The following FAIM2 variants were observed in gnomAD, a reference collection of about 807,000 sequenced individuals.
FAIM2 encodes the protein Fas apoptotic inhibitory molecule 2, also known as protein lifeguard 2.
In FAIM2, 27 loss-of-function variants were observed where a neutral mutation model predicts 47.4. The ratio of observed to expected loss-of-function variants is 0.57; its 90% confidence interval spans 0.42 to 0.78. FAIM2 has a LOEUF of 0.78. FAIM2 is among the 30% of genes least tolerant of loss of function. FAIM2 has a pLI of 0.00. For synonymous variants in FAIM2, 156 were observed against 159.3 expected (o/e 0.98, Z 0.16); for missense variants, 311 against 389.4 (o/e 0.80, Z 1.69).
chr12:49,889,001 G>C, intron 10 of FAIM2, 106 bp downstream of exon 10: 1 of 802,452 alleles, frequency 1.2e-6, no homozygotes, highest in Non-Finnish European at 2.1e-6. Context: ...CAGGCTGTGG[G>C]GCCTTGGCTC....
intron 11 of FAIM2, 99 bp downstream of exon 11, chr12:49,887,287 C>G: frequency 8.9e-7 from 1 of 1,125,836 alleles, no homozygotes; most frequent in Non-Finnish European, 1.3e-6. Context: ...TCCCGAGGAT[C>G]CAGGGAAGAG....
chr12:49,891,246 G>T, intron 5 of FAIM2, 132 bp from the exon 6 acceptor site: 1 of 790,454 alleles, frequency 1.3e-6, no homozygotes, highest in Non-Finnish European at 2.1e-6. Context: ...GGAGGCCACG[G>T]TCATCCTAGA....
At chr12:49,899,882 C>T (rs1417388001) in intron 2 of FAIM2, among the ~76,000 whole-genome samples, 1 of 152,230 alleles carries the variant, frequency 6.6e-6, no homozygotes, top group Non-Finnish European at 1.5e-5. Context: ...GTCATAGCTG[C>T]CTTCCTGCCT....
At chr12:49,883,066 G>A (rs1012896575) in intron 11 of FAIM2, among the ~76,000 whole-genome samples, 1 of 152,204 alleles carries the variant, frequency 6.6e-6, no homozygotes, top group Non-Finnish European at 1.5e-5. Flanking sequence ...AGAGGTAGGT[G>A]CAGAGGCCCT....
chr12:49,903,771 C>A lies in FAIM2; in HGVS notation c.15+7G>T. The A allele has an allele frequency of 6.5e-7, 1 of 1,549,022 alleles. No individual in the cohort carries two copies. Among genetic ancestry groups the A allele is most frequent in the Middle Eastern group, 1.8e-4 (1 of 5,596 alleles). The stretch of plus-strand genomic sequence containing the variant: ...GAGGATGGTGCAGGCTGGGGAGATG[C>A]CGGTACCTTTCCCTGGGTCATGGTG... On this transcript the variant is annotated splice_region_variant and intron_variant, in intron 1 of 11. Transcript: ENST00000320634.
chr12:49,897,451 TG>T, intron 4 of FAIM2, 67 bp downstream of exon 4: 5 of 1,438,904 alleles, frequency 3.5e-6, no homozygotes, highest in Non-Finnish European at 4.9e-6. Context: ...AGTCTGATCA[TG>T]GGTTCCCCGG....
intron 5 of FAIM2, among the ~76,000 whole-genome samples, chr12:49,894,950 G>A (rs762940349): frequency 2.6e-5 from 4 of 152,174 alleles, no homozygotes; most frequent in African/African-American, 4.8e-5. Flanking sequence ...GAAGAGACCC[G>A]GATGGAGTCC....
chr12:49,883,530 GT>G (rs748996928), intron 11 of FAIM2, among the ~76,000 whole-genome samples: 4 of 152,090 alleles, frequency 2.6e-5, no homozygotes, highest in African/African-American at 7.2e-5. Context: ...TACATGTGAA[GT>G]CTGAGGTGCC....
rs1946672120 is a variant in FAIM2 at position 49,867,562 on chromosome 12, C to T, written c.*2942G>A. ...GTGCCTCCCGGGCCCCCATCTGCAG[C>T]TTCCAGAAGAGGACTTCAGTGGGAG... On this transcript the variant is annotated 3_prime_UTR_variant, in exon 12 of 12. Coordinates refer to ENST00000320634, the MANE Select transcript of FAIM2 (RefSeq NM_012306.4). 1 of 152,268 alleles carries T rather than the reference C, an allele frequency of 6.6e-6. No individual in the cohort carries two copies. Among genetic ancestry groups the T allele is most frequent in the Non-Finnish European group, 1.5e-5 (1 of 68,088 alleles). 9.4% of individuals were successfully genotyped at this position (152,268 alleles called of 1,614,324 possible). A position where few individuals can be genotyped will look rare whatever the true frequency, so the allele number is the denominator to read the frequency against.
rs1343910428 is a variant in FAIM2 at position 49,879,871 on chromosome 12, C to T, written c.801+7515G>A. 7.0e-5 allele frequency among the ~76,000 whole-genome samples: 9 copies of T among 127,868 alleles called. No homozygotes were observed. The South Asian group carries it at 7.2e-4, about 10-fold the overall frequency. 83.9% of individuals were successfully genotyped at this position (127,868 alleles called of 152,430 possible). A position where few individuals can be genotyped will look rare whatever the true frequency, so the allele number is the denominator to read the frequency against. ...GTATGTATGTTCATGTGTATATGTA[C>T]GTGTATGTGTATGTGTGCATGTGTA... On this transcript the variant is annotated intron_variant, in intron 11 of 11. Coordinates refer to ENST00000320634, the MANE Select transcript of FAIM2 (RefSeq NM_012306.4).
intron 1 of FAIM2, among the ~76,000 whole-genome samples, chr12:49,903,276 G>A (rs116829585): frequency 1.9e-4 from 29 of 152,346 alleles, no homozygotes; most frequent in African/African-American, 6.7e-4. Flanking sequence ...CCAAGCACAG[G>A]GATGGAGCCA....
intron 11 of FAIM2, among the ~76,000 whole-genome samples, chr12:49,880,630 G>GTA (rs59558736): frequency 2.0e-5 from 3 of 150,430 alleles, no homozygotes; most frequent in South Asian, 2.1e-4. Context: ...GTGCATGTGT[G>GTA]TATATATATG....
rs1217278886 is a variant in FAIM2, at chr12:49,874,622, C to T, written c.802-3969G>A. Among the ~76,000 whole-genome samples the T allele has an allele frequency of 6.6e-6, 1 of 152,224 alleles. No homozygotes were observed. The highest frequency in any genetic ancestry group is 6.5e-5 in the Admixed American group (1 of 15,284). On this transcript the variant is annotated intron_variant, in intron 11 of 11. Coordinates refer to ENST00000320634, the MANE Select transcript of FAIM2 (RefSeq NM_012306.4). The surrounding 1 kb of genome is among the most constrained non-coding windows in gnomAD (Gnocchi z 4.2). ...TGGCCCCAGAGGTGACGCTGAGGGG[C>T]TCTGGGCAGTGCATGCCATGGAAAG...
At chr12:49,896,553 G>A (rs1946938795) in intron 5 of FAIM2, among the ~76,000 whole-genome samples, 1 of 152,228 alleles carries the variant, frequency 6.6e-6, no homozygotes, top group South Asian at 2.1e-4. Flanking sequence ...CCCAGTAGAT[G>A]TGAGGACCGA....
chr12:49,884,240 A>G, intron 11 of FAIM2, among the ~76,000 whole-genome samples: 1 of 150,864 alleles, frequency 6.6e-6, no homozygotes, highest in Non-Finnish European at 1.5e-5. Flanking sequence ...AAAAAAAAAC[A>G]AAAAACAGAG....
chr12:49,871,748 C>T (rs1946704891), intron 11 of FAIM2, among the ~76,000 whole-genome samples: 1 of 151,404 alleles, frequency 6.6e-6, no homozygotes, highest in Non-Finnish European at 1.5e-5. Context: ...CTCACTGCAA[C>T]CTCCACCTCC....
At chr12:49,903,004 T>G (rs1946991567) in intron 1 of FAIM2, 1 of 151,982 alleles carries the variant, frequency 6.6e-6, no homozygotes, top group Non-Finnish European at 1.5e-5. Flanking sequence ...GTCCTTCCCC[T>G]GTTTTCTCTG....
At chr12:49,891,943 G>A (rs532422930) in intron 5 of FAIM2, among the ~76,000 whole-genome samples, 4 of 152,192 alleles carry the variant, frequency 2.6e-5, no homozygotes, top group African/African-American at 4.8e-5. Context: ...GGTGGAGCTC[G>A]CCCATGCCTA....
intron 11 of FAIM2, among the ~76,000 whole-genome samples, chr12:49,875,063 C>A (rs1016065138): frequency 6.6e-6 from 1 of 152,142 alleles, no homozygotes; most frequent in African/African-American, 2.4e-5. Flanking sequence ...CTGGGGAAAG[C>A]AGTGAGGGAC....
Sources: gnomAD v4.1 joint callset for allele counts (sites outside exome capture counted in the v4.1 genomes callset) on GRCh38, gnomAD v4.1.1 for gene constraint, Gnocchi (gnomAD v3.1) non-coding constraint, MANE v1.5 for transcripts, NCBI Gene and HGNC (gene_info 2026-07-23, HGNC 2026-07-21) for gene names.